The following CADPS variants were observed in gnomAD, a reference collection of about 807,000 sequenced individuals.
CADPS encodes the protein calcium dependent secretion activator.
A neutral mutation model predicts 167.3 loss-of-function variants in CADPS; 57 were observed. The ratio of observed to expected loss-of-function variants is 0.34; its 90% confidence interval spans 0.28 to 0.42. The LOEUF (loss-of-function observed/expected upper bound fraction) is 0.42. Among genes scored for constraint, CADPS ranks in the 20% least tolerant of loss-of-function variants. The pLI, the probability that CADPS is intolerant of heterozygous loss-of-function variation, is 1.00. For missense variants in CADPS, 1,414 were observed against 1,738.1 expected, an observed-to-expected ratio of 0.81 and a Z score of 3.32; for synonymous variants, 676 against 635.3, an observed-to-expected ratio of 1.06 and a Z score of -0.96.
intron 13 of CADPS, chr3:62,530,620 A>G: frequency 8.0e-7 from 1 of 1,245,310 alleles, no homozygotes; most frequent in Non-Finnish European, 1.0e-6. Flanking sequence ...TAAAGATATT[A>G]CAAACACAAG....
chr3:62,596,821 T>G (rs1562661236), intron 6 of CADPS, among the ~76,000 whole-genome samples: 1 of 152,132 alleles, frequency 6.6e-6, no homozygotes, highest in Non-Finnish European at 1.5e-5. Flanking sequence ...ACTACACAGA[T>G]GAATGGTAAA....
intron 1 of CADPS, among the ~76,000 whole-genome samples, chr3:62,864,665 T>G (rs1383428475): frequency 6.6e-6 from 1 of 152,156 alleles, no homozygotes; most frequent in African/African-American, 2.4e-5. Flanking sequence ...ACATCAGTCA[T>G]AATGGATTAT....
At chr3:62,728,669 T>C (rs1185692684) in intron 3 of CADPS, among the ~76,000 whole-genome samples, 3 of 151,994 alleles carry the variant, frequency 2.0e-5, no homozygotes, top group African/African-American at 4.9e-5. Flanking sequence ...TATCTCATTC[T>C]GGAGGCTTCT....
intron 1 of CADPS, among the ~76,000 whole-genome samples, chr3:62,783,197 G>A (rs2091969936): frequency 1.3e-5 from 2 of 152,156 alleles, no homozygotes; most frequent in African/African-American, 4.8e-5. Context: ...ACCTGGGCAA[G>A]CAATGTCAGT....
At chr3:62,829,279 T>C (rs1576999755) in intron 1 of CADPS, among the ~76,000 whole-genome samples, 1 of 152,126 alleles carries the variant, frequency 6.6e-6, no homozygotes, top group Non-Finnish European at 1.5e-5. Flanking sequence ...AATTTAAAAA[T>C]AGAGTGTAAC....
chr3:62,871,803 A>G (rs1180456231), intron 1 of CADPS, among the ~76,000 whole-genome samples: 1 of 152,204 alleles, frequency 6.6e-6, no homozygotes, highest in African/African-American at 2.4e-5. Context: ...CCCATGTCCC[A>G]TACTACTGTA....
chr3:62,787,428 T>C (rs917667196), intron 1 of CADPS, among the ~76,000 whole-genome samples: 2 of 152,228 alleles, frequency 1.3e-5, no homozygotes, highest in African/African-American at 4.8e-5. Flanking sequence ...TATTTTACTT[T>C]ATTTTCATGA....
chr3:62,769,981 A>AAAG (rs200431946), intron 1 of CADPS, among the ~76,000 whole-genome samples: 3,458 of 152,300 alleles, frequency 0.023, 64 homozygotes, highest in South Asian at 0.061. Context: ...GCCTGGCATA[A>AAAG]AAGAGCCAAA....
chr3:62,405,834 C>A (rs1708280516), intron 28 of CADPS, among the ~76,000 whole-genome samples: 1 of 152,228 alleles, frequency 6.6e-6, no homozygotes, highest in African/African-American at 2.4e-5. Flanking sequence ...ATTGGAGGCA[C>A]TTTTGGATGC....
At chr3:62,750,606 A>G (rs1225303295) in intron 3 of CADPS, among the ~76,000 whole-genome samples, 1 of 152,176 alleles carries the variant, frequency 6.6e-6, no homozygotes, top group Non-Finnish European at 1.5e-5. Flanking sequence ...TGGAGACATA[A>G]AAAAGCACAA....
At chr3:62,867,380 C>T (rs1490058363) in intron 1 of CADPS, among the ~76,000 whole-genome samples, 1 of 152,082 alleles carries the variant, frequency 6.6e-6, no homozygotes, top group African/African-American at 2.4e-5. Flanking sequence ...TTCCCATGTA[C>T]ATGTGCTTGG....
chr3:62,839,574 A>G (rs1038798628), intron 1 of CADPS, among the ~76,000 whole-genome samples: 1 of 152,166 alleles, frequency 6.6e-6, no homozygotes, highest in African/African-American at 2.4e-5. Flanking sequence ...CTAGACCACG[A>G]AGGGCCTGAA....
intron 3 of CADPS, among the ~76,000 whole-genome samples, chr3:62,748,004 G>A (rs1246717502): frequency 1.3e-5 from 2 of 151,872 alleles, no homozygotes; most frequent in African/African-American, 4.8e-5. Context: ...GCTTCACTAA[G>A]AAGAGTCTAT....
intron 1 of CADPS, among the ~76,000 whole-genome samples, chr3:62,844,815 T>C (rs908367835): frequency 2.6e-5 from 4 of 152,192 alleles, no homozygotes; most frequent in African/African-American, 7.2e-5. Flanking sequence ...TCAGAGAAAG[T>C]TGTGGTCAAA....
intron 3 of CADPS, among the ~76,000 whole-genome samples, chr3:62,745,158 C>T (rs2081182681): frequency 6.6e-6 from 1 of 152,158 alleles, no homozygotes. Context: ...TTACAGCTCA[C>T]TGCAGCCTTG....
At chr3:62,641,014 A>ATGATTAC (rs1324146274) in intron 6 of CADPS, among the ~76,000 whole-genome samples, 1 of 151,958 alleles carries the variant, frequency 6.6e-6, no homozygotes, top group African/African-American at 2.4e-5. Flanking sequence ...AGATACTTTC[A>ATGATTAC]TGATTACTTT....
intron 17 of CADPS, among the ~76,000 whole-genome samples, chr3:62,511,287 T>A (rs2067765416): frequency 1.3e-5 from 2 of 152,294 alleles, no homozygotes; most frequent in East Asian, 3.9e-4. Flanking sequence ...ACCCATCCAC[T>A]ACTATCATTT....
chr3:62,563,033 G>C (rs1178064769), intron 9 of CADPS, among the ~76,000 whole-genome samples: 1 of 152,180 alleles, frequency 6.6e-6, no homozygotes, highest in Non-Finnish European at 1.5e-5. Flanking sequence ...TATATTGAGA[G>C]ACAGAGGCTT....
intron 18 of CADPS, among the ~76,000 whole-genome samples, chr3:62,497,580 G>A (rs924913237): frequency 2.0e-5 from 3 of 152,198 alleles, no homozygotes; most frequent in Admixed American, 6.5e-5. Context: ...GGAGGTTATC[G>A]ATTTGCTTTT....
Sources: allele counts gnomAD v4.1 joint callset (sites outside exome capture counted in the v4.1 genomes callset), GRCh38; gene constraint gnomAD v4.1.1; transcripts MANE v1.5; gene names NCBI Gene and HGNC (gene_info 2026-07-23, HGNC 2026-07-21).